The following ZNF365 variants were observed in gnomAD, a reference collection of about 807,000 sequenced individuals.
ZNF365 encodes the protein zinc finger protein 365, also known as protein ZNF365.
A neutral mutation model predicts 35.0 loss-of-function variants in ZNF365; 22 were observed. That is an observed-to-expected ratio of 0.63 (90% CI 0.45 to 0.90). ZNF365 has a LOEUF of 0.90. Among genes scored for constraint, ZNF365 ranks in the 40% least tolerant of loss-of-function variants. The pLI is 0.00. For missense variants in ZNF365, 448 were observed against 500.3 expected (o/e 0.90, Z 1.00); for synonymous variants, 188 against 196.2 (o/e 0.96, Z 0.35).
At chr10:62,431,665 C>T (rs1481584646) in intron 3 of ZNF365, among the ~76,000 whole-genome samples, 1 of 152,090 alleles carries the variant, frequency 6.6e-6, no homozygotes, top group Non-Finnish European at 1.5e-5. Flanking sequence ...AAAGGGTTTG[C>T]ACAACAAAAT....
At chr10:62,473,281 G>A (rs1484624939) in intron 4 of ZNF365, among the ~76,000 whole-genome samples, 1 of 152,206 alleles carries the variant, frequency 6.6e-6, no homozygotes, top group Non-Finnish European at 1.5e-5. Flanking sequence ...TTGCTTGGGG[G>A]TAGAGCAAGG....
At chr10:62,448,461 TCGA>T (rs1322941149) in intron 3 of ZNF365, among the ~76,000 whole-genome samples, 1 of 152,200 alleles carries the variant, frequency 6.6e-6, no homozygotes, top group Non-Finnish European at 1.5e-5. Context: ...AAAAATAATG[TCGA>T]AAGTATTGCA....
chr10:62,434,692 C>G (rs567867133), intron 3 of ZNF365, among the ~76,000 whole-genome samples: 36 of 152,262 alleles, frequency 2.4e-4, no homozygotes, highest in Admixed American at 1.3e-3. Flanking sequence ...CTCCCCTAAG[C>G]AAGGAAGTAT....
At chr10:62,418,295 A>G (rs1840112195) in intron 3 of ZNF365, among the ~76,000 whole-genome samples, 1 of 152,016 alleles carries the variant, frequency 6.6e-6, no homozygotes, top group South Asian at 2.1e-4. Context: ...GGCTGGTTAG[A>G]ATTGAATAAG....
At chr10:62,437,603 C>G (rs1029802806) in intron 3 of ZNF365, among the ~76,000 whole-genome samples, 2 of 152,144 alleles carry the variant, frequency 1.3e-5, no homozygotes, top group East Asian at 3.9e-4. Context: ...TAACAAACAG[C>G]CAGATCATCA....
At chr10:62,465,529 T>G (rs1840927645) in intron 4 of ZNF365, among the ~76,000 whole-genome samples, 1 of 152,068 alleles carries the variant, frequency 6.6e-6, no homozygotes, top group Non-Finnish European at 1.5e-5. Flanking sequence ...ACTCATGGTG[T>G]TTTTTCAGGC....
At chr10:62,431,493 AATAGTCTAATGC>A (rs1840333779) in intron 3 of ZNF365, among the ~76,000 whole-genome samples, 1 of 32,104 alleles carries the variant, frequency 3.1e-5, no homozygotes, top group Non-Finnish European at 1.2e-4. Context: ...CTATGCTGTT[AATAGTCTAATGC>A]TGTTAATAGT....
rs141131269 is a variant in ZNF365 at position 62,473,216 on chromosome 10, C to G, written c.982-6660C>G. Among the ~76,000 whole-genome samples the G allele has an allele frequency of 6.1e-3, 926 of 152,254 alleles. 3 individuals are homozygous for G. The highest frequency in any genetic ancestry group is 9.6e-3 in the Non-Finnish European group (653 of 68,018). On this transcript the variant is annotated intron_variant, in intron 4 of 4. Transcript: ENST00000395255. ...CAATTCCTGGTAAAATCCAAACACT[C>G]TTGTTATTTAGTCATTTACACCTTT...
chr10:62,409,788 C>T (rs1021843664), intron 3 of ZNF365, among the ~76,000 whole-genome samples: 1 of 152,114 alleles, frequency 6.6e-6, no homozygotes, highest in Non-Finnish European at 1.5e-5. Context: ...ATCCAACCAA[C>T]CAACCAACCA....
chr10:62,390,925 G>T (rs1449387876), intron 3 of ZNF365, among the ~76,000 whole-genome samples: 1 of 152,188 alleles, frequency 6.6e-6, no homozygotes, highest in Non-Finnish European at 1.5e-5. Context: ...GCTGTATAGG[G>T]CATTTACCAT....
chr10:62,388,618 G>A lies in ZNF365; in HGVS notation c.924+42G>A, dbSNP rs374943096. On this transcript the variant is annotated intron_variant, in intron 3 of 4. Transcript: ENST00000395254. ...CAGCCACCGAGTGTAAGATCCCTGT[G>A]GTTGGTGAGAATGGGCTGAGGACAG... is the stretch of plus-strand genomic sequence containing the variant. 9.3e-6 allele frequency: 15 copies of A among 1,606,860 alleles called. No homozygotes were observed. In the African/African-American group the frequency reaches 1.7e-4, roughly 19 times the overall value.
At chr10:62,418,274 C>T (rs1399145975) in intron 3 of ZNF365, among the ~76,000 whole-genome samples, 10 of 151,786 alleles carry the variant, frequency 6.6e-5, no homozygotes, top group Non-Finnish European at 2.9e-5. Flanking sequence ...GTTTGGAGTT[C>T]ACAAAAAATA....
At chr10:62,389,439 G>GTT (rs59551708) in intron 3 of ZNF365, among the ~76,000 whole-genome samples, 73,851 of 148,318 alleles carry the variant, frequency 0.5, 21,264 homozygotes, top group East Asian at 0.76. Flanking sequence ...AAATAGTTTT[G>GTT]TTTTTTTTTT....
intron 3 of ZNF365, among the ~76,000 whole-genome samples, chr10:62,459,202 G>A (rs1241994258): frequency 6.6e-6 from 1 of 152,228 alleles, no homozygotes; most frequent in Non-Finnish European, 1.5e-5. Flanking sequence ...ACAGCATTGA[G>A]ATAGACACTT....
intron 2 of ZNF365, among the ~76,000 whole-genome samples, chr10:62,387,706 T>G (rs1839547542): frequency 6.6e-6 from 1 of 152,294 alleles, no homozygotes; most frequent in Non-Finnish European, 1.5e-5. Flanking sequence ...TGGGCTGTTT[T>G]GTTCTAAGCT....
chr10:62,460,497 G>A (rs146667225), intron 4 of ZNF365, among the ~76,000 whole-genome samples: 3 of 152,290 alleles, frequency 2.0e-5, no homozygotes, highest in South Asian at 2.1e-4. Context: ...TTATGTCAGC[G>A]TGGTCTCTCT....
chr10:62,387,917 GTCTCACAGT>G (rs1235508338), intron 2 of ZNF365, among the ~76,000 whole-genome samples: 1 of 152,072 alleles, frequency 6.6e-6, no homozygotes, highest in Non-Finnish European at 1.5e-5. Flanking sequence ...AAAACCAGAA[GTCTCACAGT>G]GACCTGTGAG....
chr10:62,453,378 G>A (rs1840713907), intron 3 of ZNF365, among the ~76,000 whole-genome samples: 1 of 152,208 alleles, frequency 6.6e-6, no homozygotes, highest in Non-Finnish European at 1.5e-5. Context: ...AGACAGAACA[G>A]GCTGTATTTG....
chr10:62,468,297 A>G (rs983238793), intron 4 of ZNF365, among the ~76,000 whole-genome samples: 11 of 152,200 alleles, frequency 7.2e-5, no homozygotes, highest in Non-Finnish European at 1.5e-4. Flanking sequence ...GAGAACTTAT[A>G]TATGTATGTA....
Sources: allele counts gnomAD v4.1 joint callset (sites outside exome capture counted in the v4.1 genomes callset), GRCh38; gene constraint gnomAD v4.1.1; transcripts MANE v1.5; gene names NCBI Gene and HGNC (gene_info 2026-07-23, HGNC 2026-07-21).